The following TSC22D1 variants were observed in gnomAD, a reference collection of about 807,000 sequenced individuals.
TSC22D1 encodes TSC22 domain family protein 1.
A neutral mutation model predicts 74.2 loss-of-function variants in TSC22D1; 9 were observed. That is an observed-to-expected ratio of 0.12 (90% CI 0.07 to 0.21). TSC22D1 has a LOEUF of 0.21. Ranked by LOEUF, TSC22D1 falls within the 10% of genes least tolerant of loss-of-function variation. The pLI is 1.00. For synonymous variants in TSC22D1, 586 were observed against 492.5 expected, an observed-to-expected ratio of 1.19 and a Z score of -2.51; for missense variants, 1,427 against 1,304.7, an observed-to-expected ratio of 1.09 and a Z score of -1.44.
intron 1 of TSC22D1, chr13:44,436,962 TCCCTGCTTCCCCGCCTC>T: frequency 9.9e-7 from 1 of 1,008,288 alleles, no homozygotes; most frequent in South Asian, 4.6e-5. Context: ...TCCTCCCGCT[TCCCTGCTTCCCCGCCTC>T]CCCCCACCCC....
intron 1 of TSC22D1, among the ~76,000 whole-genome samples, chr13:44,508,747 GTCCCC>G (rs1879551739): frequency 6.6e-6 from 1 of 152,054 alleles, no homozygotes; most frequent in Admixed American, 6.5e-5. Flanking sequence ...TCACACCACT[GTCCCC>G]TTGCTCCCCA....
At chr13:44,491,541 G>A (rs1343722095) in intron 1 of TSC22D1, among the ~76,000 whole-genome samples, 1 of 142,400 alleles carries the variant, frequency 7.0e-6, no homozygotes. Context: ...GAGGCAAAGC[G>A]AGACTCCGTC....
At chr13:44,510,572 T>G (rs1879669723) in intron 1 of TSC22D1, among the ~76,000 whole-genome samples, 1 of 152,144 alleles carries the variant, frequency 6.6e-6, no homozygotes, top group East Asian at 1.9e-4. Context: ...AGAATAAAGC[T>G]CTGGTACAGC....
At chr13:44,543,311 C>T (rs1283869147) in intron 1 of TSC22D1, among the ~76,000 whole-genome samples, 1 of 152,164 alleles carries the variant, frequency 6.6e-6, no homozygotes, top group Admixed American at 6.5e-5. Flanking sequence ...GAAGGCTACA[C>T]CTATTTAAGC....
chr13:44,485,316 G>A (rs1454372804), intron 1 of TSC22D1, among the ~76,000 whole-genome samples: 2 of 152,070 alleles, frequency 1.3e-5, no homozygotes, highest in African/African-American at 4.8e-5. Flanking sequence ...AGTGACTCCA[G>A]CTATGAATCT....
At chr13:44,489,463 G>A (rs1194329757) in intron 1 of TSC22D1, among the ~76,000 whole-genome samples, 1 of 151,618 alleles carries the variant, frequency 6.6e-6, no homozygotes, top group Admixed American at 6.6e-5. Context: ...ACATCAAAGA[G>A]CTCATTTTAT....
chr13:44,576,000 C>G lies in TSC22D1; in HGVS notation c.75G>C (p.Pro25=). 2.5e-6 allele frequency: 4 copies of G among 1,593,028 alleles called. No individual in the cohort carries two copies. Among genetic ancestry groups the G allele is most frequent in the Non-Finnish European group, 2.6e-6 (3 of 1,169,784 alleles). ...ADISARKMAH[P]AMFPRRGSGS... ...CGCTGCCCCTTCGAGGGAACATTGC[C>G]GGGTGCGCCATCTTCCTAGCGCTAA... The change falls in exon 1 of 3, where the codon CCG becomes CCC. Residue 25 remains proline (P), a synonymous_variant. Transcript: ENST00000458659.
chr13:44,462,604 T>C (rs1220813900), intron 1 of TSC22D1, among the ~76,000 whole-genome samples: 1 of 152,146 alleles, frequency 6.6e-6, no homozygotes, highest in Non-Finnish European at 1.5e-5. Context: ...CACAAAAATC[T>C]AAATAAAAAC....
Position 44,432,858 on chromosome 13 carries a change from T to C in TSC22D1, c.*1768A>G, listed in dbSNP as rs1874164029. 6.6e-6 allele frequency: 1 copy of C among 152,168 alleles called. No individual in the cohort carries two copies. Among genetic ancestry groups the C allele is most frequent in the African/African-American group, 2.4e-5 (1 of 41,428 alleles). 9.4% of individuals were successfully genotyped at this position (152,168 alleles called of 1,614,324 possible). A position where few individuals can be genotyped will look rare whatever the true frequency, so the allele number is the denominator to read the frequency against. On this transcript the variant is annotated 3_prime_UTR_variant, in exon 3 of 3. Transcript: ENST00000458659. Reference sequence around the variant, plus strand: ...ACGTTACTCCTACTGCAGAGTGGGATCCCTCAGGCTCACTCCTCAGGTGCC... The same window carrying C: ...ACGTTACTCCTACTGCAGAGTGGGACCCCTCAGGCTCACTCCTCAGGTGCC...
chr13:44,550,535 T>C (rs957972466), intron 1 of TSC22D1, among the ~76,000 whole-genome samples: 1 of 149,650 alleles, frequency 6.7e-6, no homozygotes, highest in Non-Finnish European at 1.5e-5. Flanking sequence ...TGAGCCGAGA[T>C]TGCACCATTG....
intron 1 of TSC22D1, among the ~76,000 whole-genome samples, chr13:44,449,980 T>C (rs1566117697): frequency 6.6e-6 from 1 of 152,166 alleles, no homozygotes; most frequent in Non-Finnish European, 1.5e-5. Flanking sequence ...TTGCTTTTAG[T>C]GACTTGGGGG....
intron 1 of TSC22D1, among the ~76,000 whole-genome samples, chr13:44,481,932 T>G (rs1346009393): frequency 6.6e-6 from 1 of 152,224 alleles, no homozygotes; most frequent in African/African-American, 2.4e-5. Context: ...ACTGAACCAT[T>G]ATTCCCAGTT....
At chr13:44,439,048 C>T (rs1460216172) in intron 1 of TSC22D1, among the ~76,000 whole-genome samples, 2 of 152,180 alleles carry the variant, frequency 1.3e-5, no homozygotes, top group African/African-American at 4.8e-5. Flanking sequence ...TTATTCATGC[C>T]GTTCTTCAAC....
intron 1 of TSC22D1, among the ~76,000 whole-genome samples, chr13:44,568,450 C>A (rs1440181680): frequency 6.6e-6 from 1 of 152,080 alleles, no homozygotes; most frequent in African/African-American, 2.4e-5. Flanking sequence ...CCAGATTACT[C>A]TGCGGTAAAG....
intron 1 of TSC22D1, among the ~76,000 whole-genome samples, chr13:44,535,546 A>G (rs1881087628): frequency 6.6e-6 from 1 of 152,094 alleles, no homozygotes; most frequent in Admixed American, 6.5e-5. Context: ...ATCTGTGTAC[A>G]TATTTACAAT....
At chr13:44,516,249 T>C (rs1399199294) in intron 1 of TSC22D1, 13 of 382,030 alleles carry the variant, frequency 3.4e-5, no homozygotes, top group Non-Finnish European at 6.0e-5. Context: ...CTTGAGACTT[T>C]GGGGGCACTA....
At chr13:44,544,391 A>T (rs923096090) in intron 1 of TSC22D1, among the ~76,000 whole-genome samples, 5 of 151,666 alleles carry the variant, frequency 3.3e-5, no homozygotes, top group African/African-American at 1.2e-4. Context: ...CTTCGGAATT[A>T]GTTAACTAAG....
At chr13:44,533,032 G>A (rs552520728) in intron 1 of TSC22D1, among the ~76,000 whole-genome samples, 9 of 152,224 alleles carry the variant, frequency 5.9e-5, no homozygotes, top group Middle Eastern at 3.4e-3. Flanking sequence ...AAAGAGTGTG[G>A]TATTAGAAAC....
intron 1 of TSC22D1, among the ~76,000 whole-genome samples, chr13:44,496,265 G>A (rs1190095096): frequency 2.0e-5 from 3 of 152,226 alleles, no homozygotes; most frequent in African/African-American, 7.2e-5. Context: ...AAAGCCACAA[G>A]AGGCCAGTGT....
Sources: gnomAD v4.1 joint callset for allele counts (sites outside exome capture counted in the v4.1 genomes callset) on GRCh38, gnomAD v4.1.1 for gene constraint, MANE v1.5 for transcripts, NCBI Gene and HGNC (gene_info 2026-07-23, HGNC 2026-07-21) for gene names.